The following ADGRL3 variants were observed in gnomAD, a reference collection of about 807,000 sequenced individuals.
ADGRL3 encodes calcium-independent alpha-latrotoxin receptor 3.
A neutral mutation model predicts 153.5 loss-of-function variants in ADGRL3; 62 were observed. The ratio of observed to expected loss-of-function variants is 0.40; its 90% CI spans 0.33 to 0.50. The LOEUF (loss-of-function observed/expected upper bound fraction) is 0.50. Ranked by LOEUF, ADGRL3 falls within the 20% of genes least tolerant of loss-of-function variation. ADGRL3 has a pLI of 0.47. For missense variants in ADGRL3, 1,641 were observed against 1,859.4 expected (o/e 0.88, Z 2.16); for synonymous variants, 710 against 672.5 (o/e 1.06, Z -0.86).
intron 17 of ADGRL3, among the ~76,000 whole-genome samples, chr4:61,975,582 G>A (rs188407274): frequency 8.5e-4 from 129 of 152,204 alleles, no homozygotes; most frequent in African/African-American, 2.9e-3. Flanking sequence ...GAGCAATGTC[G>A]TGTGACTTAT....
chr4:61,738,245 T>TAA (rs1332745535), intron 8 of ADGRL3, among the ~76,000 whole-genome samples: 1 of 152,216 alleles, frequency 6.6e-6, no homozygotes, highest in Non-Finnish European at 1.5e-5. Flanking sequence ...TGAATGCCAT[T>TAA]AATTCATTCC....
At chr4:61,691,115 G>C (rs1255956186) in intron 6 of ADGRL3, among the ~76,000 whole-genome samples, 1 of 152,106 alleles carries the variant, frequency 6.6e-6, no homozygotes, top group East Asian at 1.9e-4. Flanking sequence ...TTAGAACTCT[G>C]TACTTCTTAA....
intron 6 of ADGRL3, among the ~76,000 whole-genome samples, chr4:61,728,194 T>A (rs935438572): frequency 1.3e-5 from 2 of 152,048 alleles, no homozygotes; most frequent in African/African-American, 4.8e-5. Flanking sequence ...AAATGATAAA[T>A]GAGCTACAGC....
intron 6 of ADGRL3, among the ~76,000 whole-genome samples, chr4:61,682,730 T>A (rs1221482778): frequency 1.3e-5 from 2 of 151,974 alleles, no homozygotes; most frequent in Non-Finnish European, 2.9e-5. Context: ...CAGGTTCTAG[T>A]CATAAACTCC....
chr4:61,463,631 G>A (rs2097848680), intron 2 of ADGRL3, among the ~76,000 whole-genome samples: 1 of 152,020 alleles, frequency 6.6e-6, no homozygotes, highest in Non-Finnish European at 1.5e-5. Flanking sequence ...GCTAAATGTG[G>A]CAATCCTACT....
At chr4:62,066,460 A>G (rs769887177) in intron 25 of ADGRL3, among the ~76,000 whole-genome samples, 20 of 152,110 alleles carry the variant, frequency 1.3e-4, no homozygotes, top group Non-Finnish European at 2.8e-4. Context: ...ATGAAGATGA[A>G]TAATATACTT....
intron 2 of ADGRL3, among the ~76,000 whole-genome samples, chr4:61,492,810 A>G (rs1258699546): frequency 1.3e-5 from 2 of 152,120 alleles, no homozygotes; most frequent in Non-Finnish European, 2.9e-5. Context: ...AGCTTTTTGT[A>G]GAATTTCTTT....
intron 21 of ADGRL3, among the ~76,000 whole-genome samples, chr4:62,018,541 A>C (rs549309876): frequency 6.6e-6 from 1 of 152,252 alleles, no homozygotes; most frequent in South Asian, 2.1e-4. Flanking sequence ...ATGACCAGAT[A>C]TTTTGTAGGC....
chr4:61,516,056 C>T (rs335307), intron 3 of ADGRL3, among the ~76,000 whole-genome samples: 115,359 of 152,034 alleles, frequency 0.76, 44,118 homozygotes, highest in East Asian at 0.93. Flanking sequence ...AAAAATGTTT[C>T]GGGGCAATGT....
intron 6 of ADGRL3, among the ~76,000 whole-genome samples, chr4:61,715,947 T>TAAAAA (rs59481591): frequency 8.2e-5 from 7 of 85,258 alleles, no homozygotes; most frequent in Admixed American, 2.7e-4. Context: ...GCCCTTAAAG[T>TAAAAA]AAAAAAAAAA....
At chr4:61,842,579 GA>G (rs1286145228) in intron 9 of ADGRL3, among the ~76,000 whole-genome samples, 1 of 151,396 alleles carries the variant, frequency 6.6e-6, no homozygotes, top group Non-Finnish European at 1.5e-5. Context: ...TCCCCTGGTA[GA>G]AAAAAAGCAT....
At chr4:61,504,034 C>T (rs1217708246) in intron 3 of ADGRL3, among the ~76,000 whole-genome samples, 1 of 152,116 alleles carries the variant, frequency 6.6e-6, no homozygotes, top group Admixed American at 6.6e-5. Flanking sequence ...ACTCTGTCAC[C>T]CAGGCTGTAG....
intron 2 of ADGRL3, among the ~76,000 whole-genome samples, chr4:61,430,483 A>G (rs7660753): frequency 0.39 from 59,537 of 151,796 alleles, 12,189 homozygotes; most frequent in Middle Eastern, 0.57. Context: ...ACCACTGTAC[A>G]GAGAGTAAGA....
At chr4:61,736,938 A>G (rs1382585330) in intron 8 of ADGRL3, among the ~76,000 whole-genome samples, 1 of 152,224 alleles carries the variant, frequency 6.6e-6, no homozygotes, top group African/African-American at 2.4e-5. Flanking sequence ...AGGTGGAAAG[A>G]ATATGTATAG....
At chr4:61,702,557 G>T (rs1014154974) in intron 6 of ADGRL3, among the ~76,000 whole-genome samples, 1 of 151,944 alleles carries the variant, frequency 6.6e-6, no homozygotes, top group East Asian at 1.9e-4. Context: ...TTTTATTTGA[G>T]CCCCTGGTTT....
chr4:61,226,169 T>C (rs1301211822), intron 1 of ADGRL3, among the ~76,000 whole-genome samples: 1 of 152,168 alleles, frequency 6.6e-6, no homozygotes, highest in Non-Finnish European at 1.5e-5. Flanking sequence ...CATTAACATT[T>C]CTAAACAGTT....
At chr4:61,490,705 A>T (rs1346156907) in intron 2 of ADGRL3, among the ~76,000 whole-genome samples, 1 of 151,900 alleles carries the variant, frequency 6.6e-6, no homozygotes, top group Admixed American at 6.6e-5. Context: ...ATTGAAAAAA[A>T]AAAAAGAAAA....
chr4:61,485,608 TC>T (rs1410635045), intron 2 of ADGRL3, among the ~76,000 whole-genome samples: 1 of 152,168 alleles, frequency 6.6e-6, no homozygotes, highest in African/African-American at 2.4e-5. Context: ...AGATATACCT[TC>T]CCCTGCATTC....
intron 19 of ADGRL3, among the ~76,000 whole-genome samples, chr4:61,993,571 C>T (rs2099111342): frequency 6.6e-6 from 1 of 151,916 alleles, no homozygotes; most frequent in Non-Finnish European, 1.5e-5. Flanking sequence ...GGATTACAAG[C>T]CTGAGCCACA....
Sources: gnomAD v4.1 joint callset for allele counts (sites outside exome capture counted in the v4.1 genomes callset) on GRCh38, gnomAD v4.1.1 for gene constraint, MANE v1.5 for transcripts, NCBI Gene and HGNC (gene_info 2026-07-23, HGNC 2026-07-21) for gene names.